Variants in MBD5 observed in about 807,000 individuals in gnomAD.
MBD5 encodes methyl-CpG binding domain protein 5, also known as methyl-CpG-binding domain protein 5.
In MBD5, 13 loss-of-function variants were observed where a neutral mutation model predicts 117.3. The ratio of observed to expected loss-of-function variants is 0.11; its 90% CI spans 0.07 to 0.18. The LOEUF (loss-of-function observed/expected upper bound fraction) is 0.18, where lower values mean the gene tolerates loss of function less well. Ranked by LOEUF, MBD5 falls within the 10% of genes least tolerant of loss-of-function variation. MBD5 has a pLI of 1.00. For synonymous variants in MBD5, 727 were observed against 766.4 expected (o/e 0.95, Z 0.85); for missense variants, 1,879 against 2,093.8 (o/e 0.90, Z 2.00).
At chr2:148,135,336 C>T (rs1380633695) in intron 1 of MBD5, among the ~76,000 whole-genome samples, 2 of 152,130 alleles carry the variant, frequency 1.3e-5, no homozygotes, top group South Asian at 2.1e-4. Context: ...ATTTCTTTCC[C>T]CCTGAAGATT....
chr2:148,509,836 C>G (rs1215434691), intron 12 of MBD5, among the ~76,000 whole-genome samples: 1 of 151,978 alleles, frequency 6.6e-6, no homozygotes, highest in Non-Finnish European at 1.5e-5. Flanking sequence ...TCCATCTCCC[C>G]GCCCCACAAT....
intron 3 of MBD5, among the ~76,000 whole-genome samples, chr2:148,286,816 C>T (rs1574241246): frequency 6.6e-6 from 1 of 151,954 alleles, no homozygotes; most frequent in Non-Finnish European, 1.5e-5. Flanking sequence ...CGAAGATTTA[C>T]GGTAAATAGT....
At chr2:148,353,115 T>C (rs1381068577) in intron 4 of MBD5, among the ~76,000 whole-genome samples, 1 of 152,124 alleles carries the variant, frequency 6.6e-6, no homozygotes, top group Non-Finnish European at 1.5e-5. Flanking sequence ...AATATTACTT[T>C]AGTAAAAAAG....
intron 4 of MBD5, among the ~76,000 whole-genome samples, chr2:148,430,325 A>T (rs78345557): frequency 0.14 from 20,903 of 152,194 alleles, 1,674 homozygotes; most frequent in Non-Finnish European, 0.19. Context: ...GTCTCACAGC[A>T]AGTAGCAGAC....
chr2:148,416,643 T>C (rs537688910), intron 4 of MBD5, among the ~76,000 whole-genome samples: 3 of 152,300 alleles, frequency 2.0e-5, no homozygotes, highest in African/African-American at 7.2e-5. Context: ...TCAATAGCTC[T>C]AGGGGCACAA....
chr2:148,380,977 C>A (rs1299753810), intron 4 of MBD5, among the ~76,000 whole-genome samples: 2 of 152,048 alleles, frequency 1.3e-5, no homozygotes, highest in African/African-American at 4.8e-5. Flanking sequence ...TGTACGTCAC[C>A]ATCATCAAAG....
chr2:148,188,393 T>C (rs1385995738), intron 2 of MBD5, among the ~76,000 whole-genome samples: 1 of 152,086 alleles, frequency 6.6e-6, no homozygotes, highest in African/African-American at 2.4e-5. Context: ...TAAAGTAGAA[T>C]ACTAGAGAAC....
chr2:148,063,189 G>A (rs1021419078), intron 1 of MBD5, among the ~76,000 whole-genome samples: 1 of 152,130 alleles, frequency 6.6e-6, no homozygotes, highest in Non-Finnish European at 1.5e-5. Flanking sequence ...AGTTGTGGGT[G>A]GGTTGAGTAC....
At chr2:148,421,404 C>T (rs139012116) in intron 4 of MBD5, among the ~76,000 whole-genome samples, 22 of 152,300 alleles carry the variant, frequency 1.4e-4, no homozygotes, top group East Asian at 9.7e-4. Context: ...CCAGATATTG[C>T]GCTTTTCCCA....
chr2:148,376,737 A>T (rs1703998227), intron 4 of MBD5, among the ~76,000 whole-genome samples: 1 of 139,298 alleles, frequency 7.2e-6, no homozygotes, highest in Non-Finnish European at 1.5e-5. Flanking sequence ...ATATAATTAT[A>T]TTATATATTA....
intron 3 of MBD5, among the ~76,000 whole-genome samples, chr2:148,334,899 G>A (rs957176090): frequency 2.1e-4 from 32 of 152,160 alleles, no homozygotes; most frequent in African/African-American, 7.7e-4. Flanking sequence ...GACTTGAGGA[G>A]ATTTCTGTTT....
At chr2:148,288,974 G>A (rs1364629140) in intron 3 of MBD5, among the ~76,000 whole-genome samples, 1 of 152,040 alleles carries the variant, frequency 6.6e-6, no homozygotes, top group Non-Finnish European at 1.5e-5. Flanking sequence ...TCATTTTTCT[G>A]TATTATATCT....
intron 1 of MBD5, among the ~76,000 whole-genome samples, chr2:148,029,646 T>G (rs906395187): frequency 7.2e-5 from 11 of 152,332 alleles, no homozygotes; most frequent in African/African-American, 2.6e-4. Flanking sequence ...AGCTTCTGTT[T>G]TTGTACAGTT....
chr2:148,489,611 G>A lies in MBD5; in HGVS notation c.3979G>A (p.Asp1327Asn), dbSNP rs752647756. 9.3e-6 allele frequency: 15 copies of A among 1,614,024 alleles called. No individual in the cohort carries two copies. The highest frequency in any genetic ancestry group is 4.4e-5 in the South Asian group (4 of 91,090). The change falls in exon 11 of 14, where the codon GAT becomes AAT. Residue 1327 changes from aspartate (D) to asparagine (N), a missense_variant. By Grantham distance (23) the Asp-to-Asn change is conservative (BLOSUM62 1). Around this residue, in one of 4 missense-constraint regions of MBD5, gnomAD observed 1,666 missense variants for 1,792.2 expected, o/e 0.93. Coordinates refer to ENST00000642680, the MANE Select transcript of MBD5 (RefSeq NM_001378120.1). ...SVDAIYKAVV[D>N]AASKGMQVVI... ...AGATGCCATTTACAAAGCAGTTGTC[G>A]ATGCAGCCAGCAAAGGAATGCAGGT...
At chr2:148,384,732 C>T (rs989369868) in intron 4 of MBD5, among the ~76,000 whole-genome samples, 1 of 151,930 alleles carries the variant, frequency 6.6e-6, no homozygotes, top group Non-Finnish European at 1.5e-5. Context: ...CTACAGTAAC[C>T]AAAACAGCAT....
intron 1 of MBD5, among the ~76,000 whole-genome samples, chr2:148,087,625 T>C (rs1363097374): frequency 1.3e-5 from 2 of 152,158 alleles, no homozygotes; most frequent in East Asian, 3.9e-4. Context: ...TAACAATCAC[T>C]GTAGTCTGGC....
chr2:148,051,427 A>G (rs1162204275), intron 1 of MBD5, among the ~76,000 whole-genome samples: 3 of 147,638 alleles, frequency 2.0e-5, no homozygotes, highest in Admixed American at 6.7e-5. Flanking sequence ...TTTTTCGCCC[A>G]GTTTCCCTGG....
intron 3 of MBD5, among the ~76,000 whole-genome samples, chr2:148,316,213 G>C (rs1192444942): frequency 6.6e-6 from 1 of 152,168 alleles, no homozygotes; most frequent in African/African-American, 2.4e-5. Flanking sequence ...TTTGACATGA[G>C]ATTTGGATGG....
intron 2 of MBD5, among the ~76,000 whole-genome samples, chr2:148,201,342 G>T (rs1382983368): frequency 6.6e-6 from 1 of 152,244 alleles, no homozygotes; most frequent in African/African-American, 2.4e-5. Context: ...CTGGTCTCCG[G>T]ACGAGGGAAA....
Sources: allele counts gnomAD v4.1 joint callset (sites outside exome capture counted in the v4.1 genomes callset), GRCh38; gene constraint gnomAD v4.1.1; regional missense constraint gnomAD v4.1.1; transcripts MANE v1.5; gene names NCBI Gene and HGNC (gene_info 2026-07-23, HGNC 2026-07-21).